CCDC92: variants seen among roughly 807,000 people sequenced by gnomAD.
CCDC92 encodes the protein coiled-coil domain-containing protein 92.
A neutral mutation model predicts 24.9 loss-of-function variants in CCDC92; 12 were observed. The observed-to-expected ratio is 0.48, with a 90% CI of 0.31 to 0.78. CCDC92 has a LOEUF of 0.78. CCDC92 is among the 30% of genes least tolerant of loss of function. The probability of loss-of-function intolerance (pLI) is 0.05; values close to 1 mark genes in which losing one functional copy is unlikely to be tolerated. For synonymous variants in CCDC92, 193 were observed against 196.3 expected, an observed-to-expected ratio of 0.98 and a Z score of 0.14; for missense variants, 399 against 439.4, an observed-to-expected ratio of 0.91 and a Z score of 0.82.
intron 1 of CCDC92, among the ~76,000 whole-genome samples, chr12:123,961,738 T>C (rs990277753): frequency 2.2e-4 from 34 of 152,202 alleles, no homozygotes; most frequent in Admixed American, 2.2e-3. Flanking sequence ...GAATCACCTT[T>C]TACTGAGGGC....
intron 1 of CCDC92, among the ~76,000 whole-genome samples, chr12:123,969,378 T>C (rs980155460): frequency 1.3e-5 from 2 of 152,052 alleles, no homozygotes; most frequent in Non-Finnish European, 2.9e-5. Flanking sequence ...GCTGTGAAAC[T>C]TGAGTCATGT....
chr12:123,963,146 C>T (rs1343438577), intron 1 of CCDC92, among the ~76,000 whole-genome samples: 1 of 152,096 alleles, frequency 6.6e-6, no homozygotes, highest in Non-Finnish European at 1.5e-5. Flanking sequence ...ACAGGACAGC[C>T]CCACAACAAG....
chr12:123,953,753 G>A (rs1956083626), intron 1 of CCDC92, among the ~76,000 whole-genome samples: 1 of 152,006 alleles, frequency 6.6e-6, no homozygotes, highest in Non-Finnish European at 1.5e-5. Context: ...ACTCCGGCCT[G>A]GGCGACAGAG....
chr12:123,939,538 G>GT (rs1485833103), intron 4 of CCDC92, among the ~76,000 whole-genome samples: 14 of 152,306 alleles, frequency 9.2e-5, no homozygotes, highest in African/African-American at 2.6e-4. Flanking sequence ...CATATCCATG[G>GT]TAAGTCGAGG....
chr12:123,954,106 G>C (rs1393070896), intron 1 of CCDC92, among the ~76,000 whole-genome samples: 1 of 152,132 alleles, frequency 6.6e-6, no homozygotes, highest in South Asian at 2.1e-4. Context: ...TCTTAAAAAA[G>C]ATAATCACTA....
At chr12:123,963,255 G>C (rs534504918) in intron 1 of CCDC92, among the ~76,000 whole-genome samples, 1 of 152,230 alleles carries the variant, frequency 6.6e-6, no homozygotes, top group East Asian at 1.9e-4. Context: ...CTTTGGACTT[G>C]AGGTTTATCC....
At position 123,937,319 on chromosome 12, in the gene CCDC92, T is replaced by G. The variant is rs758442339; in HGVS notation, c.735A>C (p.Pro245=). Residue 245 remains proline (P), a synonymous_variant, in exon 5 of 5, where the codon CCA becomes CCC. Transcript: ENST00000238156. This position sits in a 1 kb window ranked among gnomAD's most constrained non-coding sequence, Gnocchi z 8.4. The part of the protein sequence containing the change: ...EPVDAMPDPT[P]FLLARESAEV... ...CGGCGGACTCCCTAGCCAGCAGAAATGGGGTGGGGTCGGGCATAGCATCCA... is the reference window on the plus strand; with the variant it reads ...CGGCGGACTCCCTAGCCAGCAGAAAGGGGGTGGGGTCGGGCATAGCATCCA... 2.5e-6 allele frequency: 4 copies of G among 1,613,522 alleles called. No homozygotes were observed. The East Asian group carries it at 8.9e-5, about 36-fold the overall frequency.
At chr12:123,962,588 GT>G (rs1956295560) in intron 1 of CCDC92, 2 of 153,402 alleles carry the variant, frequency 1.3e-5, no homozygotes, top group Admixed American at 6.5e-5. Flanking sequence ...TGTAGTTTGA[GT>G]TTTTGCCTGC....
chr12:123,949,987 C>T (rs1955983830), intron 1 of CCDC92, among the ~76,000 whole-genome samples: 1 of 152,224 alleles, frequency 6.6e-6, no homozygotes, highest in African/African-American at 2.4e-5. Flanking sequence ...ATCCATGGAC[C>T]ACCTGACTTG....
chr12:123,953,245 CA>C (rs78040312), intron 1 of CCDC92, among the ~76,000 whole-genome samples: 4,126 of 89,752 alleles, frequency 0.046, 82 homozygotes, highest in African/African-American at 0.092. Context: ...CAGTAGCAAC[CA>C]AAAAAAAAAA....
At position 123,937,291 on chromosome 12, in the gene CCDC92, C is replaced by T; in HGVS notation, c.763G>A (p.Val255Ile). The change falls in exon 5 of 5, where the codon GTC becomes ATC. Residue 255 changes from valine (V) to isoleucine (I), a missense_variant. Val to Ile is a conservative substitution (Grantham distance 29). Transcript: ENST00000238156. This position sits in a 1 kb window ranked among gnomAD's most constrained non-coding sequence, Gnocchi z 8.4. The part of the protein sequence containing the change: ...PFLLARESAE[V>I]HLIKERPLVI... ...AGGGGCCTCTCTTTGATGAGGTGGA[C>T]CTCGGCGGACTCCCTAGCCAGCAGA... 1 of 1,613,068 alleles carries T rather than the reference C, an allele frequency of 6.2e-7. No individual in the cohort carries two copies. Among genetic ancestry groups the T allele is most frequent in the South Asian group, 1.1e-5 (1 of 91,084 alleles).
At chr12:123,940,330 C>T (rs1955645735) in intron 4 of CCDC92, among the ~76,000 whole-genome samples, 1 of 152,216 alleles carries the variant, frequency 6.6e-6, no homozygotes, top group African/African-American at 2.4e-5. Context: ...CTTTTCGCCA[C>T]AGCATCCTGA....
chr12:123,961,248 T>C (rs149683051), intron 1 of CCDC92: 1,699 of 152,308 alleles, frequency 0.011, 11 homozygotes, highest in Non-Finnish European at 0.02. Flanking sequence ...GGGGCCGGCC[T>C]CAATTATTGT....
chr12:123,952,917 A>G (rs1956061342), intron 1 of CCDC92, among the ~76,000 whole-genome samples: 1 of 152,234 alleles, frequency 6.6e-6, no homozygotes. Flanking sequence ...CACAAGAGTC[A>G]GAATCGTGGG....
rs2138061278 is a variant in CCDC92 at position 123,953,561 on chromosome 12, G to A, written c.-59-9197C>T. On this transcript the variant is annotated intron_variant, in intron 1 of 4. Coordinates refer to ENST00000238156, the MANE Select transcript of CCDC92 (RefSeq NM_025140.3). ...TGGGAGGCCAAGGCTGGTAGATCAC[G>A]AGGTCAGGAGATGGAAACCATCCTG... is the stretch of plus-strand genomic sequence containing the variant. 1.3e-5 allele frequency among the ~76,000 whole-genome samples: 2 copies of A among 152,230 alleles called. 1 individual carries two copies. Among genetic ancestry groups the A allele is most frequent in the South Asian group, 4.2e-4 (2 of 4,816 alleles).
At chr12:123,946,500 T>A (rs1318676526) in intron 1 of CCDC92, 1 of 152,558 alleles carries the variant, frequency 6.6e-6, no homozygotes, top group East Asian at 1.9e-4. Flanking sequence ...GCCCCCAGAC[T>A]CGGGTGCATT....
chr12:123,965,904 A>G (rs1956381383), intron 1 of CCDC92, among the ~76,000 whole-genome samples: 1 of 152,212 alleles, frequency 6.6e-6, no homozygotes, highest in South Asian at 2.1e-4. Context: ...CCATAAAGAC[A>G]ACGAGAGCAG....
intron 1 of CCDC92, among the ~76,000 whole-genome samples, chr12:123,964,891 ATT>A (rs749157516): frequency 2.0e-4 from 31 of 152,162 alleles, no homozygotes; most frequent in Non-Finnish European, 4.3e-4. Context: ...TTTAATGTAA[ATT>A]TTGTTTTCTA....
At chr12:123,964,796 A>C (rs1243048549) in intron 1 of CCDC92, among the ~76,000 whole-genome samples, 2 of 152,218 alleles carry the variant, frequency 1.3e-5, no homozygotes, top group Non-Finnish European at 2.9e-5. Flanking sequence ...TATTATGACA[A>C]CCAAGAGTCA....
Sources: gnomAD v4.1 joint callset for allele counts (sites outside exome capture counted in the v4.1 genomes callset) on GRCh38, gnomAD v4.1.1 for gene constraint, Gnocchi (gnomAD v3.1) non-coding constraint, MANE v1.5 for transcripts, NCBI Gene and HGNC (gene_info 2026-07-23, HGNC 2026-07-21) for gene names.